The following POLR3H variants were observed in gnomAD, a reference collection of about 807,000 sequenced individuals.
POLR3H encodes RNA polymerase III subunit H.
A neutral mutation model predicts 25.5 loss-of-function variants in POLR3H; 17 were observed. The observed-to-expected ratio is 0.67, with a 90% confidence interval of 0.46 to 1.00. The LOEUF is 1.00. Among genes scored for constraint, POLR3H ranks in the 50% least tolerant of loss-of-function variants. The pLI, the probability that POLR3H is intolerant of heterozygous loss-of-function variation, is 0.00. For missense variants in POLR3H, 274 were observed against 265.0 expected (o/e 1.03, Z -0.24); for synonymous variants, 129 against 103.0 (o/e 1.25, Z -1.53).
In POLR3H at chr22:41,527,101, GT is replaced by G. The variant is rs1353986297; in HGVS notation, c.*2181del. 5 of 816,524 alleles carry G rather than the reference GT, an allele frequency of 6.1e-6. No homozygotes were observed. The Admixed American group carries it at 1.4e-4, about 23-fold the overall frequency. 50.6% of individuals were successfully genotyped at this position (816,524 alleles called of 1,614,324 possible). A position where few individuals can be genotyped will look rare whatever the true frequency, so the allele number is the denominator to read the frequency against. The stretch of plus-strand genomic sequence containing the variant: ...CGTGCCTCTGTCCCCTCGGGGCCTC[GT>G]TTGGGTCTCATTCACGCAGGCTTCA... On this transcript the variant is annotated 3_prime_UTR_variant, in exon 6 of 6. Coordinates refer to ENST00000355209, the MANE Select transcript of POLR3H (RefSeq NM_001018050.4).
At chr22:41,530,645 C>G (rs760127019) in intron 5 of POLR3H, 42 bp downstream of exon 5, 4 of 1,562,360 alleles carry the variant, frequency 2.6e-6, no homozygotes, top group Non-Finnish European at 3.5e-6. Context: ...CACTCCGGCT[C>G]TCCCGCCTCA....
Position 41,527,538 on chromosome 22 carries a change from C to G in POLR3H, c.*1745G>C. The G allele has an allele frequency of 1.4e-6, 2 of 1,381,802 alleles. No homozygotes were observed. The highest frequency in any genetic ancestry group is 2.8e-5 in the South Asian group (2 of 72,502). The allele number at this position is 1,381,802 out of a possible 1,614,324, so 85.6% of individuals were successfully genotyped here. Reference sequence around the variant, plus strand: ...GGCTGTGTCCACTGCAGCCCACAGGCCCGTCAGCCTCTTGCCCCTTCTTAG... The same window carrying G: ...GGCTGTGTCCACTGCAGCCCACAGGGCCGTCAGCCTCTTGCCCCTTCTTAG... On this transcript the variant is annotated 3_prime_UTR_variant, in exon 6 of 6. Coordinates refer to ENST00000355209, the MANE Select transcript of POLR3H (RefSeq NM_001018050.4).
At chr22:41,537,595 TAC>T (rs1236274776) in intron 2 of POLR3H, among the ~76,000 whole-genome samples, 1 of 152,196 alleles carries the variant, frequency 6.6e-6, no homozygotes, top group African/African-American at 2.4e-5. Flanking sequence ...AACCCCATTG[TAC>T]AGAGGAGGAA....
intron 5 of POLR3H, chr22:41,529,650 C>G: frequency 1.5e-6 from 1 of 662,928 alleles, no homozygotes. Flanking sequence ...AAGGCCCATG[C>G]TCCAGACGCA....
At chr22:41,537,196 C>A (rs1044925180) in intron 2 of POLR3H, among the ~76,000 whole-genome samples, 5 of 152,156 alleles carry the variant, frequency 3.3e-5, no homozygotes, top group Non-Finnish European at 5.9e-5. Flanking sequence ...GCACTCCCCA[C>A]GTGCGGGGCG....
Position 41,526,687 on chromosome 22 carries a change from A to C in POLR3H, c.*2596T>G, listed in dbSNP as rs139299126. The C allele has an allele frequency of 2.1e-6, 1 of 483,352 alleles. No individual in the cohort carries two copies. Among genetic ancestry groups the C allele is most frequent in the Non-Finnish European group, 3.7e-6 (1 of 271,528 alleles). 29.9% of individuals were successfully genotyped at this position (483,352 alleles called of 1,614,324 possible). ...GCACCAGGAGGAGTTAGTGAGAGAT[A>C]TCTTAGGATATCTGGCCCTAGACAA... On this transcript the variant is annotated 3_prime_UTR_variant, in exon 6 of 6. Transcript: ENST00000355209.
chr22:41,531,022 TC>T, intron 4 of POLR3H, 134 bp from the exon 5 acceptor site: 2 of 837,388 alleles, frequency 2.4e-6, no homozygotes, highest in Non-Finnish European at 3.8e-6. Flanking sequence ...GAAAAGCAGG[TC>T]CCAGCCCCAT....
chr22:41,526,533 G>T lies in POLR3H; in HGVS notation c.*2750C>A. ...AGGCAGGTGCAGGGAGGACATTAGG[G>T]GAGTGGAAACTGGGAAGGAGGCCGA... On this transcript the variant is annotated 3_prime_UTR_variant, in exon 6 of 6. Transcript: ENST00000355209. The T allele has an allele frequency of 6.7e-7, 1 of 1,489,990 alleles. No homozygotes were observed. The allele number at this position is 1,489,990 out of a possible 1,614,324, so 92.3% of individuals were successfully genotyped here.
Position 41,526,412 on chromosome 22 carries a change from C to T in POLR3H, c.*2871G>A. ...CAACTCCGTGCGCAATGCCGTCACT[C>T]AGGAGTTTGGCCCCGTCCCTGACAC... is the stretch of plus-strand genomic sequence containing the variant. On this transcript the variant is annotated 3_prime_UTR_variant, in exon 6 of 6. Coordinates refer to ENST00000355209, the MANE Select transcript of POLR3H (RefSeq NM_001018050.4). 1 of 1,613,830 alleles carries T rather than the reference C, an allele frequency of 6.2e-7. No homozygotes were observed. Among genetic ancestry groups the T allele is most frequent in the Non-Finnish European group, 8.5e-7 (1 of 1,179,938 alleles).
Position 41,527,949 on chromosome 22 carries a change from C to A in POLR3H, c.*1334G>T, listed in dbSNP as rs375761361. On this transcript the variant is annotated 3_prime_UTR_variant, in exon 6 of 6. Coordinates refer to ENST00000355209, the MANE Select transcript of POLR3H (RefSeq NM_001018050.4). ...CTGCTGCCTCTGACCTTCGCTGACCCGGCTGACTACAACAAGATTCACCCT... is the reference window on the plus strand; with the variant it reads ...CTGCTGCCTCTGACCTTCGCTGACCAGGCTGACTACAACAAGATTCACCCT... 6.2e-7 allele frequency: 1 copy of A among 1,614,074 alleles called. No homozygotes were observed. Among genetic ancestry groups the A allele is most frequent in the South Asian group, 1.1e-5 (1 of 91,090 alleles).
chr22:41,527,458 TC>T lies in POLR3H; in HGVS notation c.*1824del, dbSNP rs1326146496. On this transcript the variant is annotated 3_prime_UTR_variant, in exon 6 of 6. Transcript: ENST00000355209. ...CTGTACCCAGGCCATCCTCATCCCA[TC>T]CCTAGTGATCAAGGTCACTCTCCCT... 3 of 1,574,338 alleles carry T rather than the reference TC, an allele frequency of 1.9e-6. No individual in the cohort carries two copies. The highest frequency in any genetic ancestry group is 1.7e-6 in the Non-Finnish European group (2 of 1,160,666).
In POLR3H at chr22:41,526,199, G is replaced by T; in HGVS notation, c.*3084C>A. On this transcript the variant is annotated 3_prime_UTR_variant, in exon 6 of 6. Coordinates refer to ENST00000355209, the MANE Select transcript of POLR3H (RefSeq NM_001018050.4). ...CGGGGCCTGCTGCCTGCCTCTGGAG[G>T]GCTTGTCATCCACCCCTCCAGGGCC... 1 of 1,499,956 alleles carries T rather than the reference G, an allele frequency of 6.7e-7. No homozygotes were observed. The highest frequency in any genetic ancestry group is 9.1e-7 in the Non-Finnish European group (1 of 1,098,606). The allele number at this position is 1,499,956 out of a possible 1,614,324, so 92.9% of individuals were successfully genotyped here.
At chr22:41,532,280 G>A (rs2066751426) in intron 3 of POLR3H, 123 bp from the exon 4 acceptor site, 3 of 938,926 alleles carry the variant, frequency 3.2e-6, no homozygotes, top group East Asian at 2.5e-5. Context: ...ATGTCGCTGT[G>A]GAAACCTAGG....
intron 2 of POLR3H, among the ~76,000 whole-genome samples, chr22:41,536,177 G>A (rs1017038576): frequency 1.3e-4 from 19 of 151,650 alleles, no homozygotes; most frequent in Non-Finnish European, 2.2e-4. Context: ...CGGATCACGA[G>A]GTCAGGAGAT....
intron 2 of POLR3H, chr22:41,539,405 G>A (rs1318363542): frequency 1.3e-5 from 2 of 152,248 alleles, no homozygotes; most frequent in Admixed American, 1.3e-4. Context: ...CGTCTCAATG[G>A]GCCTCTCACC....
Position 41,525,920 on chromosome 22 carries a change from T to C in POLR3H, c.*3363A>G. 1 of 248,736 alleles carries C rather than the reference T, an allele frequency of 4.0e-6. No homozygotes were observed. Among genetic ancestry groups the C allele is most frequent in the East Asian group, 8.5e-5 (1 of 11,784 alleles). The allele number at this position is 248,736 out of a possible 1,614,324, so 15.4% of individuals were successfully genotyped here. On this transcript the variant is annotated 3_prime_UTR_variant, in exon 6 of 6. Coordinates refer to ENST00000355209, the MANE Select transcript of POLR3H (RefSeq NM_001018050.4). ...TCAGTCATCAGCCAGGACCCAGGCA[T>C]GTCCTGGGCTCCTGTGTCCAGCATG...
chr22:41,532,808 C>T (rs964871180), intron 2 of POLR3H, 63 bp from the exon 3 acceptor site: 123 of 1,568,944 alleles, frequency 7.8e-5, no homozygotes, highest in Non-Finnish European at 1.0e-4. Flanking sequence ...CCATGTCACC[C>T]TCAGGTGCCA....
chr22:41,528,325 C>T lies in POLR3H; in HGVS notation c.*958G>A. Reference sequence around the variant, plus strand: ...AATCCCCTGTAGGTGCCACCTGGGTCTGACCTGGGCCATCAGGCACAGACT... The same window carrying T: ...AATCCCCTGTAGGTGCCACCTGGGTTTGACCTGGGCCATCAGGCACAGACT... On this transcript the variant is annotated 3_prime_UTR_variant, in exon 6 of 6. Coordinates refer to ENST00000355209, the MANE Select transcript of POLR3H (RefSeq NM_001018050.4). 1 of 1,144,336 alleles carries T rather than the reference C, an allele frequency of 8.7e-7. No individual in the cohort carries two copies. The highest frequency in any genetic ancestry group is 1.2e-6 in the Non-Finnish European group (1 of 827,386). 70.9% of individuals were successfully genotyped at this position (1,144,336 alleles called of 1,614,324 possible).
chr22:41,532,884 G>C lies in POLR3H; in HGVS notation c.209-139C>G, dbSNP rs532994129. 5.3e-5 allele frequency: 47 copies of C among 880,542 alleles called. No homozygotes were observed. The East Asian group carries it at 1.3e-3, about 25-fold the overall frequency. 54.5% of individuals were successfully genotyped at this position (880,542 alleles called of 1,614,324 possible). On this transcript the variant is annotated intron_variant, in intron 2 of 5. Transcript: ENST00000355209. ...CCCTGCAAGCCTAGACCCTCCCTTTGTCTCCTGCAAGTTCACAGCATGGCC... is the reference window on the plus strand; with the variant it reads ...CCCTGCAAGCCTAGACCCTCCCTTTCTCTCCTGCAAGTTCACAGCATGGCC...
Sources: allele counts gnomAD v4.1 joint callset (sites outside exome capture counted in the v4.1 genomes callset), GRCh38; gene constraint gnomAD v4.1.1; transcripts MANE v1.5; gene names NCBI Gene and HGNC (gene_info 2026-07-23, HGNC 2026-07-21).